Variants in ANKS1B observed in about 807,000 individuals in gnomAD.
The protein encoded by ANKS1B is ankyrin repeat and sterile alpha motif domain containing 1B, also known as ankyrin repeat and sterile alpha motif domain-containing protein 1B.
A neutral mutation model predicts 148.3 loss-of-function variants in ANKS1B; 36 were observed. That is an observed-to-expected ratio of 0.24 (90% confidence interval 0.19 to 0.32). The LOEUF (loss-of-function observed/expected upper bound fraction) is 0.32. ANKS1B is among the 10% of genes least tolerant of loss of function. The probability of loss-of-function intolerance (pLI) is 1.00; values close to 1 mark genes in which losing one functional copy is unlikely to be tolerated. For missense variants in ANKS1B, 1,157 were observed against 1,542.6 expected, an observed-to-expected ratio of 0.75 and a Z score of 4.19; for synonymous variants, 542 against 560.8, an observed-to-expected ratio of 0.97 and a Z score of 0.47.
intron 14 of ANKS1B, among the ~76,000 whole-genome samples, chr12:99,192,131 CAAAAAAA>C (rs35767286): frequency 1.7e-5 from 1 of 57,800 alleles, no homozygotes; most frequent in Non-Finnish European, 3.0e-5. Flanking sequence ...GACTCCATCT[CAAAAAAA>C]AAAAAAAAAA....
At chr12:99,071,644 C>CTTT (rs71646503) in intron 16 of ANKS1B, among the ~76,000 whole-genome samples, 15 of 143,144 alleles carry the variant, frequency 1.0e-4, no homozygotes, top group Admixed American at 2.8e-4. Context: ...TAATCTCTCT[C>CTTT]TTTTTTTTTT....
At chr12:99,653,568 T>C (rs1341474637) in intron 9 of ANKS1B, among the ~76,000 whole-genome samples, 5 of 152,184 alleles carry the variant, frequency 3.3e-5, no homozygotes, top group African/African-American at 1.2e-4. Flanking sequence ...ACACATTTGT[T>C]CACTGAGATT....
intron 24 of ANKS1B, among the ~76,000 whole-genome samples, chr12:98,779,115 G>C (rs2153506742): frequency 6.6e-6 from 1 of 152,312 alleles, no homozygotes; most frequent in East Asian, 1.9e-4. Context: ...AAAATATGCT[G>C]ACCTTCTTTA....
At chr12:99,862,089 C>A (rs1156616769) in intron 1 of ANKS1B, among the ~76,000 whole-genome samples, 1 of 152,040 alleles carries the variant, frequency 6.6e-6, no homozygotes, top group Non-Finnish European at 1.5e-5. Context: ...ACTGTTAACA[C>A]TGAATTTTTA....
rs2097840774 is a variant in ANKS1B at position 98,744,467 on chromosome 12, TA to T, written c.*1271del. 1 of 692,268 alleles carries T rather than the reference TA, an allele frequency of 1.4e-6. No individual in the cohort carries two copies. The highest frequency in any genetic ancestry group is 6.6e-5 in the South Asian group (1 of 15,064). The allele number at this position is 692,268 out of a possible 1,614,324, so 42.9% of individuals were successfully genotyped here. A position where few individuals can be genotyped will look rare whatever the true frequency, so the allele number is the denominator to read the frequency against. On this transcript the variant is annotated 3_prime_UTR_variant, in exon 27 of 27. Coordinates refer to ENST00000683438, the MANE Select transcript of ANKS1B (RefSeq NM_001352186.2). ...ATATGATTGTTAGAACAATATACAT[TA>T]AAATGTTATTTTTTTCTATAATGAT...
chr12:98,854,881 C>T (rs1162503014), intron 17 of ANKS1B, among the ~76,000 whole-genome samples: 1 of 152,196 alleles, frequency 6.6e-6, no homozygotes, highest in South Asian at 2.1e-4. Flanking sequence ...ATCTCTTGGC[C>T]GGGCGCGGTG....
chr12:99,264,768 C>T (rs969021992), intron 12 of ANKS1B, among the ~76,000 whole-genome samples: 4 of 152,094 alleles, frequency 2.6e-5, no homozygotes, highest in Non-Finnish European at 5.9e-5. Flanking sequence ...CTGTCAGGGA[C>T]TTAGGAAATT....
chr12:99,004,782 AT>A (rs11306881), intron 17 of ANKS1B, among the ~76,000 whole-genome samples: 41,940 of 146,616 alleles, frequency 0.29, 6,518 homozygotes, highest in African/African-American at 0.44. Flanking sequence ...CTAAATAAAC[AT>A]TTTTTTTTTT....
At chr12:99,829,104 A>C (rs1029790314) in intron 1 of ANKS1B, among the ~76,000 whole-genome samples, 1 of 152,242 alleles carries the variant, frequency 6.6e-6, no homozygotes, top group Admixed American at 6.5e-5. Flanking sequence ...TAGCAGTTCC[A>C]ATATTGAAAA....
chr12:99,156,656 T>A (rs1255806214), intron 14 of ANKS1B, among the ~76,000 whole-genome samples: 1 of 152,324 alleles, frequency 6.6e-6, no homozygotes, highest in African/African-American at 2.4e-5. Context: ...TGGCTTTGAA[T>A]CAGTTGCTAT....
intron 17 of ANKS1B, among the ~76,000 whole-genome samples, chr12:98,959,340 C>A (rs1053031511): frequency 2.6e-5 from 4 of 152,150 alleles, no homozygotes; most frequent in South Asian, 2.1e-4. Context: ...TCTGTACATG[C>A]CTCAGATACA....
At chr12:99,072,128 C>G (rs2046476599) in intron 16 of ANKS1B, among the ~76,000 whole-genome samples, 1 of 152,006 alleles carries the variant, frequency 6.6e-6, no homozygotes, top group Admixed American at 6.6e-5. Context: ...TGTGAGAAAC[C>G]CACTAGCTCA....
intron 17 of ANKS1B, among the ~76,000 whole-genome samples, chr12:99,005,645 G>A (rs1380194168): frequency 6.6e-6 from 1 of 152,148 alleles, no homozygotes; most frequent in Non-Finnish European, 1.5e-5. Context: ...GCTTTCAAAT[G>A]TGGTAAGCAA....
intron 9 of ANKS1B, among the ~76,000 whole-genome samples, chr12:99,505,494 C>G (rs1196370871): frequency 6.6e-6 from 1 of 151,580 alleles, no homozygotes; most frequent in Admixed American, 6.6e-5. Context: ...ATGATTGATT[C>G]TTTGATATAT....
intron 12 of ANKS1B, among the ~76,000 whole-genome samples, chr12:99,371,077 A>G (rs1194386513): frequency 6.6e-6 from 1 of 151,752 alleles, no homozygotes; most frequent in Non-Finnish European, 1.5e-5. Context: ...CTGGTTTTGG[A>G]CCCCAAGGAA....
At chr12:99,250,305 C>T (rs998330351) in intron 12 of ANKS1B, among the ~76,000 whole-genome samples, 9 of 152,116 alleles carry the variant, frequency 5.9e-5, no homozygotes, top group Admixed American at 2.0e-4. Context: ...ATGGGCTCTA[C>T]GATTGTTAGT....
chr12:99,900,694 A>G (rs2093570122), intron 1 of ANKS1B, among the ~76,000 whole-genome samples: 1 of 152,108 alleles, frequency 6.6e-6, no homozygotes, highest in South Asian at 2.1e-4. Flanking sequence ...ATGATTCATA[A>G]TGGATACTTG....
In ANKS1B at chr12:99,660,814, A is replaced by G. The variant is rs2153453153; in HGVS notation, c.1129-5604T>C. ...TCTGATAAAGTTCAAAATTCTTAAT[A>G]TGATCCAAAAGGCTATGCATGATCT... On this transcript the variant is annotated intron_variant, in intron 8 of 26. Transcript: ENST00000683438. Among the ~76,000 whole-genome samples the G allele has an allele frequency of 2.0e-5, 3 of 152,262 alleles. No homozygotes were observed. In the Middle Eastern group the frequency reaches 0.01, roughly 518 times the overall value.
chr12:99,772,782 C>T (rs554390224), intron 8 of ANKS1B, 140 bp downstream of exon 8: 4 of 845,374 alleles, frequency 4.7e-6, no homozygotes, highest in African/African-American at 3.5e-5. Flanking sequence ...CCCCAAAGAA[C>T]GTCAGGAAAA....
Sources: allele counts gnomAD v4.1 joint callset (sites outside exome capture counted in the v4.1 genomes callset), GRCh38; gene constraint gnomAD v4.1.1; transcripts MANE v1.5; gene names NCBI Gene and HGNC (gene_info 2026-07-23, HGNC 2026-07-21).